The following CUX2 variants were observed in gnomAD, a reference collection of about 807,000 sequenced individuals.
The protein encoded by CUX2 is homeobox protein cut-like 2.
Under a neutral mutation model 144.8 loss-of-function variants are expected in CUX2, and 40 were observed. The ratio of observed to expected loss-of-function variants is 0.28; its 90% confidence interval spans 0.21 to 0.36. The LOEUF (loss-of-function observed/expected upper bound fraction) is 0.36, where lower values mean the gene tolerates loss of function less well. Among genes scored for constraint, CUX2 ranks in the 10% least tolerant of loss-of-function variants. CUX2 has a pLI of 1.00. For missense variants in CUX2, 1,615 were observed against 1,994.0 expected, an observed-to-expected ratio of 0.81 and a Z score of 3.62; for synonymous variants, 827 against 875.6, an observed-to-expected ratio of 0.94 and a Z score of 0.98.
At chr12:111,249,110 G>A (rs1008925420) in intron 3 of CUX2, among the ~76,000 whole-genome samples, 2 of 152,186 alleles carry the variant, frequency 1.3e-5, no homozygotes, top group Non-Finnish European at 2.9e-5. Flanking sequence ...CACATGTGCA[G>A]GGAGCACACA....
chr12:111,175,606 C>G (rs1392803050), intron 1 of CUX2, among the ~76,000 whole-genome samples: 1 of 152,064 alleles, frequency 6.6e-6, no homozygotes, highest in African/African-American at 2.4e-5. Context: ...GTTGGGTTCT[C>G]AACAAAAGTT....
Position 111,310,654 on chromosome 12 carries a change from G to A in CUX2, c.1872G>A (p.Ala624=), listed in dbSNP as rs753035044. 10 of 1,597,190 alleles carry A rather than the reference G, an allele frequency of 6.3e-6. No individual in the cohort carries two copies. Among genetic ancestry groups the A allele is most frequent in the Middle Eastern group, 1.7e-4 (1 of 6,028 alleles). ...QFLSDEQNVL[A]LRTIQVRQRG... ...TGTCGGATGAGCAGAATGTACTGGCGCTCAGGACCATCCAAGTGCGGCAGC... is the reference window on the plus strand; with the variant it reads ...TGTCGGATGAGCAGAATGTACTGGCACTCAGGACCATCCAAGTGCGGCAGC... Residue 624 remains alanine (A), a synonymous_variant, in exon 15 of 22, where the codon GCG becomes GCA. Coordinates refer to ENST00000261726, the MANE Select transcript of CUX2 (RefSeq NM_015267.4). This position sits in a 1 kb window ranked among gnomAD's most constrained non-coding sequence, Gnocchi z 7.9.
At chr12:111,181,883 CTCTT>C (rs1006149265) in intron 1 of CUX2, among the ~76,000 whole-genome samples, 4 of 152,172 alleles carry the variant, frequency 2.6e-5, no homozygotes, top group African/African-American at 7.2e-5. Flanking sequence ...TTAAATCTCT[CTCTT>C]TGTTTGCCAT....
intron 20 of CUX2, among the ~76,000 whole-genome samples, chr12:111,340,362 C>T (rs1262585078): frequency 6.6e-6 from 1 of 152,082 alleles, no homozygotes; most frequent in African/African-American, 2.4e-5. Context: ...ACTGTCCCTA[C>T]CTATTGCCCA....
chr12:111,067,824 A>T (rs1462881904), intron 1 of CUX2, among the ~76,000 whole-genome samples: 1 of 152,010 alleles, frequency 6.6e-6, no homozygotes, highest in Non-Finnish European at 1.5e-5. Flanking sequence ...CCTGGGCAGA[A>T]CTCCACCACC....
At position 111,190,223 on chromosome 12, in the gene CUX2, T is replaced by C. The variant is rs1879794302; in HGVS notation, c.64-23977T>C. Among the ~76,000 whole-genome samples the C allele has an allele frequency of 6.6e-6, 1 of 152,192 alleles. No individual in the cohort carries two copies. The highest frequency in any genetic ancestry group is 2.1e-4 in the South Asian group (1 of 4,826). The stretch of plus-strand genomic sequence containing the variant: ...AGTGCTTGATTCTGCACACATCAGA[T>C]AAACTGTACATTCCTTCTCTCTCTC... On this transcript the variant is annotated intron_variant, in intron 1 of 21. Transcript: ENST00000261726. The surrounding 1 kb of genome is among the most constrained non-coding windows in gnomAD (Gnocchi z 4.0).
intron 1 of CUX2, among the ~76,000 whole-genome samples, chr12:111,165,234 A>G (rs1176079870): frequency 6.6e-6 from 1 of 152,214 alleles, no homozygotes; most frequent in Non-Finnish European, 1.5e-5. Context: ...TTTGGTGTTT[A>G]GCTCTCTGGG....
chr12:111,157,584 T>C (rs1003186925), intron 1 of CUX2, among the ~76,000 whole-genome samples: 1 of 152,166 alleles, frequency 6.6e-6, no homozygotes, highest in Non-Finnish European at 1.5e-5. Flanking sequence ...GGATGGGTGA[T>C]GGATAAGAAT....
chr12:111,344,060 T>A (rs538403207), intron 21 of CUX2, among the ~76,000 whole-genome samples: 3 of 152,012 alleles, frequency 2.0e-5, no homozygotes, highest in Non-Finnish European at 4.4e-5. Flanking sequence ...CTCAAACAGA[T>A]AAATAAATAA....
chr12:111,088,464 A>G (rs1446643175), intron 1 of CUX2, among the ~76,000 whole-genome samples: 1 of 152,152 alleles, frequency 6.6e-6, no homozygotes, highest in Non-Finnish European at 1.5e-5. Flanking sequence ...AAAAAAAGTA[A>G]AGGACTGAAA....
chr12:111,247,765 G>T (rs1199457424), intron 3 of CUX2, among the ~76,000 whole-genome samples: 1 of 152,090 alleles, frequency 6.6e-6, no homozygotes, highest in Non-Finnish European at 1.5e-5. Context: ...TTCCAGGGGC[G>T]TCCACCCCTC....
At chr12:111,184,870 C>T (rs1441282432) in intron 1 of CUX2, among the ~76,000 whole-genome samples, 7 of 152,092 alleles carry the variant, frequency 4.6e-5, no homozygotes, top group Non-Finnish European at 7.3e-5. Context: ...GAGATCATCC[C>T]GGCTAACACA....
rs1050134015 is a variant in CUX2 at position 111,034,860 on chromosome 12, GGCCGCCGCCGCCGCCGCCAGA to G, written c.63+634_63+654del. ...CAGCCCGGACGCGCCGCCACCCGGG[GGCCGCCGCCGCCGCCGCCAGA>G]GCCGCCGCCGCCGGACTGGCCGCAA... is the stretch of plus-strand genomic sequence containing the variant. On this transcript the variant is annotated intron_variant, in intron 1 of 21. Transcript: ENST00000261726. The surrounding 1 kb of genome is among the most constrained non-coding windows in gnomAD (Gnocchi z 4.2). Among the ~76,000 whole-genome samples, 74 of 148,876 alleles carry G rather than the reference GGCCGCCGCCGCCGCCGCCAGA, an allele frequency of 5.0e-4. No individual in the cohort carries two copies. The highest frequency in any genetic ancestry group is 1.7e-3 in the African/African-American group (69 of 41,102).
chr12:111,215,645 T>G (rs1230691573), intron 2 of CUX2, among the ~76,000 whole-genome samples: 1 of 152,296 alleles, frequency 6.6e-6, no homozygotes, highest in Non-Finnish European at 1.5e-5. Context: ...CCTTCGCCTT[T>G]TAGAACAGAG....
At chr12:111,113,327 TTTTG>T (rs1874096776) in intron 1 of CUX2, among the ~76,000 whole-genome samples, 1 of 152,142 alleles carries the variant, frequency 6.6e-6, no homozygotes, top group African/African-American at 2.4e-5. Flanking sequence ...ACTGTAATTT[TTTTG>T]TTTTTGTGTA....
intron 1 of CUX2, among the ~76,000 whole-genome samples, chr12:111,038,071 C>T (rs879643894): frequency 7.9e-5 from 12 of 152,190 alleles, no homozygotes; most frequent in South Asian, 2.1e-4. Flanking sequence ...GAGAAACTTC[C>T]GGGAACACTC....
At position 111,295,792 on chromosome 12, in the gene CUX2, C is replaced by A. The variant is rs1465431896; in HGVS notation, c.637+383C>A. ...TTAATTAATTAATTTAATACAACCC[C>A]TGCAGGGGCCAAAACGCTACCAAGC... On this transcript the variant is annotated intron_variant, in intron 7 of 21. Transcript: ENST00000261726. The surrounding 1 kb of genome is among the most constrained non-coding windows in gnomAD (Gnocchi z 5.0). Among the ~76,000 whole-genome samples the A allele has an allele frequency of 1.3e-5, 2 of 148,916 alleles. No homozygotes were observed. Among genetic ancestry groups the A allele is most frequent in the African/African-American group, 2.4e-5 (1 of 41,040 alleles).
In CUX2 at chr12:111,202,823, C is replaced by T. The variant is rs572885820; in HGVS notation, c.64-11377C>T. The stretch of plus-strand genomic sequence containing the variant: ...GAGGTGCTTACTGTTTTAAATAGGA[C>T]GGCAGGACAGGCTTCTGGGAGAAGG... On this transcript the variant is annotated intron_variant, in intron 1 of 21. Transcript: ENST00000261726. Among the ~76,000 whole-genome samples the T allele has an allele frequency of 1.3e-4, 20 of 152,136 alleles. No individual in the cohort carries two copies. In the South Asian group the frequency reaches 2.1e-3, roughly 16 times the overall value.
chr12:111,280,104 C>T (rs1212355750), intron 4 of CUX2, among the ~76,000 whole-genome samples: 3 of 152,052 alleles, frequency 2.0e-5, no homozygotes, highest in Admixed American at 1.3e-4. Flanking sequence ...ACGAACATGG[C>T]GAAACCCCAT....
Sources: gnomAD v4.1 joint callset for allele counts (sites outside exome capture counted in the v4.1 genomes callset) on GRCh38, gnomAD v4.1.1 for gene constraint, Gnocchi (gnomAD v3.1) non-coding constraint, MANE v1.5 for transcripts, NCBI Gene and HGNC (gene_info 2026-07-23, HGNC 2026-07-21) for gene names.